Variants in ADAMTS17 observed in about 807,000 individuals in gnomAD.
ADAMTS17 encodes A disintegrin and metalloproteinase with thrombospondin motifs 17.
In ADAMTS17, 113 loss-of-function variants were observed where a neutral mutation model predicts 141.5. The observed-to-expected ratio is 0.80, with a 90% CI of 0.69 to 0.93. ADAMTS17 has a LOEUF of 0.93. Among genes scored for constraint, ADAMTS17 ranks in the 40% least tolerant of loss-of-function variants. ADAMTS17 has a pLI of 0.00. For missense variants in ADAMTS17, 1,659 were observed against 1,517.9 expected (o/e 1.09, Z -1.54); for synonymous variants, 768 against 630.6 (o/e 1.22, Z -3.27).
At chr15:100,299,716 A>C (rs1474682960) in intron 3 of ADAMTS17, among the ~76,000 whole-genome samples, 1 of 152,190 alleles carries the variant, frequency 6.6e-6, no homozygotes, top group African/African-American at 2.4e-5. Context: ...CAAGGATGTA[A>C]GAGAAACTTC....
intron 18 of ADAMTS17, among the ~76,000 whole-genome samples, chr15:100,029,600 G>A (rs745415917): frequency 2.6e-5 from 4 of 152,140 alleles, no homozygotes; most frequent in Non-Finnish European, 4.4e-5. Flanking sequence ...CACTTGGTTA[G>A]GTCTCTGCTT....
intron 19 of ADAMTS17, among the ~76,000 whole-genome samples, chr15:99,995,346 C>T (rs2060779078): frequency 1.3e-5 from 2 of 152,212 alleles, no homozygotes; most frequent in Admixed American, 1.3e-4. Flanking sequence ...CTCACCTCCT[C>T]CCCTTGAATT....
intron 18 of ADAMTS17, among the ~76,000 whole-genome samples, chr15:100,029,343 G>A (rs1254114114): frequency 6.6e-6 from 1 of 152,230 alleles, no homozygotes; most frequent in Non-Finnish European, 1.5e-5. Flanking sequence ...TTTCCTGACT[G>A]TGGCAAACTG....
intron 3 of ADAMTS17, among the ~76,000 whole-genome samples, chr15:100,303,888 A>C (rs1280091158): frequency 6.6e-6 from 1 of 151,896 alleles, no homozygotes; most frequent in African/African-American, 2.4e-5. Context: ...ACGCCCGGCT[A>C]ATTTTTTGTA....
intron 3 of ADAMTS17, among the ~76,000 whole-genome samples, chr15:100,303,758 C>T (rs1308956859): frequency 4.6e-5 from 7 of 152,140 alleles, no homozygotes; most frequent in Non-Finnish European, 7.4e-5. Flanking sequence ...TCTCTCTTGT[C>T]GCCCAGGCTG....
chr15:100,167,725 G>A (rs887464811), intron 8 of ADAMTS17, among the ~76,000 whole-genome samples: 56 of 152,214 alleles, frequency 3.7e-4, no homozygotes, highest in African/African-American at 1.1e-3. Flanking sequence ...CTACAAAAGC[G>A]CGTATGGCGA....
At chr15:100,155,749 T>G (rs7164647) in intron 8 of ADAMTS17, among the ~76,000 whole-genome samples, 39,417 of 152,152 alleles carry the variant, frequency 0.26, 5,167 homozygotes, top group Middle Eastern at 0.29. Flanking sequence ...TCCTAGACCT[T>G]GACTTACAGA....
intron 8 of ADAMTS17, among the ~76,000 whole-genome samples, chr15:100,157,340 A>G (rs1013846034): frequency 2.6e-5 from 4 of 152,148 alleles, no homozygotes; most frequent in African/African-American, 7.2e-5. Flanking sequence ...AAAATTGTTG[A>G]AAAAAACTAA....
At chr15:100,275,168 G>T (rs946937276) in intron 4 of ADAMTS17, among the ~76,000 whole-genome samples, 2 of 152,210 alleles carry the variant, frequency 1.3e-5, no homozygotes, top group East Asian at 1.9e-4. Flanking sequence ...GTTCCACAAG[G>T]CACGTAAGCA....
Position 100,158,133 on chromosome 15 carries a change from C to T in ADAMTS17, c.1182-2813G>A, listed in dbSNP as rs751207288. Among the ~76,000 whole-genome samples, 22 of 152,098 alleles carry T rather than the reference C, an allele frequency of 1.4e-4. 1 individual carries two copies. Among genetic ancestry groups the T allele is most frequent in the African/African-American group, 3.9e-4 (16 of 41,410 alleles). On this transcript the variant is annotated intron_variant, in intron 8 of 21. Transcript: ENST00000268070. ...CAACCTCTTGACCTTGTGATCCGCC[C>T]GCCTCGGCCTCCCAAAGTGCTGGGA...
At chr15:100,020,782 C>A (rs1260698177) in intron 18 of ADAMTS17, among the ~76,000 whole-genome samples, 5 of 152,212 alleles carry the variant, frequency 3.3e-5, no homozygotes, top group Admixed American at 2.6e-4. Flanking sequence ...CCCATCCTGA[C>A]CCAGTGGCTG....
chr15:100,101,101 G>A (rs1292050159), intron 14 of ADAMTS17, among the ~76,000 whole-genome samples: 3 of 152,164 alleles, frequency 2.0e-5, no homozygotes, highest in Admixed American at 6.5e-5. Context: ...CTCGTCTGTT[G>A]CTGGAATGCA....
intron 18 of ADAMTS17, among the ~76,000 whole-genome samples, chr15:99,999,766 G>A (rs553940128): frequency 2.0e-5 from 3 of 152,242 alleles, no homozygotes; most frequent in Non-Finnish European, 2.9e-5. Flanking sequence ...AGGCTCCTAC[G>A]GCAGTCCCAG....
At chr15:100,280,830 CA>C (rs5814958) in intron 4 of ADAMTS17, among the ~76,000 whole-genome samples, 78,171 of 151,928 alleles carry the variant, frequency 0.51, 20,647 homozygotes, top group South Asian at 0.66. Flanking sequence ...CTCTCTAAGT[CA>C]ACACAGTAAG....
At chr15:100,211,815 TGACAAAACA>T (rs1298036737) in intron 7 of ADAMTS17, among the ~76,000 whole-genome samples, 3 of 152,164 alleles carry the variant, frequency 2.0e-5, no homozygotes, top group Non-Finnish European at 4.4e-5. Context: ...CCCAGCATGT[TGACAAAACA>T]AAAAATTCTG....
intron 2 of ADAMTS17, among the ~76,000 whole-genome samples, chr15:100,331,983 G>A (rs2046067475): frequency 6.6e-6 from 1 of 152,084 alleles, no homozygotes; most frequent in Non-Finnish European, 1.5e-5. Flanking sequence ...ATAGACCCCA[G>A]CTCTACGTTC....
intron 14 of ADAMTS17, among the ~76,000 whole-genome samples, chr15:100,100,179 A>G (rs2036010347): frequency 1.3e-5 from 2 of 151,798 alleles, no homozygotes; most frequent in African/African-American, 4.9e-5. Flanking sequence ...CAGACACCCC[A>G]GAGTGTGTGC....
At chr15:100,249,418 T>C (rs2043083410) in intron 7 of ADAMTS17, among the ~76,000 whole-genome samples, 2 of 152,226 alleles carry the variant, frequency 1.3e-5, no homozygotes, top group Admixed American at 6.5e-5. Context: ...TGGGAGGTGC[T>C]GTTGCCTCTC....
intron 7 of ADAMTS17, among the ~76,000 whole-genome samples, chr15:100,205,431 T>C (rs2041501860): frequency 6.6e-6 from 1 of 152,134 alleles, no homozygotes; most frequent in African/African-American, 2.4e-5. Flanking sequence ...CACAGCCAAC[T>C]TGAGCCAAGT....
Sources: gnomAD v4.1 joint callset for allele counts (sites outside exome capture counted in the v4.1 genomes callset) on GRCh38, gnomAD v4.1.1 for gene constraint, MANE v1.5 for transcripts, NCBI Gene and HGNC (gene_info 2026-07-23, HGNC 2026-07-21) for gene names.